Variants in LRRC8D observed in about 807,000 individuals in gnomAD.
The protein encoded by LRRC8D is volume-regulated anion channel subunit LRRC8D.
In LRRC8D, 20 loss-of-function variants were observed where a neutral mutation model predicts 55.8. The ratio of observed to expected loss-of-function variants is 0.36; its 90% CI spans 0.25 to 0.52. The LOEUF (loss-of-function observed/expected upper bound fraction) is 0.52. LRRC8D is among the 20% of genes least tolerant of loss of function. The pLI is 0.93. For synonymous variants in LRRC8D, 352 were observed against 377.0 expected, an observed-to-expected ratio of 0.93 and a Z score of 0.77; for missense variants, 651 against 1,030.8, an observed-to-expected ratio of 0.63 and a Z score of 5.05.
intron 1 of LRRC8D, among the ~76,000 whole-genome samples, chr1:89,835,096 A>T (rs1660974752): frequency 1.3e-5 from 2 of 152,156 alleles, no homozygotes; most frequent in Non-Finnish European, 2.9e-5. Flanking sequence ...TCTAAGGATC[A>T]CTTGGGAGTT....
At chr1:89,827,934 T>G (rs1660801377) in intron 1 of LRRC8D, among the ~76,000 whole-genome samples, 1 of 152,198 alleles carries the variant, frequency 6.6e-6, no homozygotes, top group Admixed American at 6.5e-5. Flanking sequence ...TCAGAATCAG[T>G]CTGGGGAATA....
At chr1:89,881,775 AT>A (rs1278324146) in intron 2 of LRRC8D, among the ~76,000 whole-genome samples, 1 of 152,168 alleles carries the variant, frequency 6.6e-6, no homozygotes, top group East Asian at 1.9e-4. Context: ...ACTGAACTTC[AT>A]TTTTAGCTTC....
chr1:89,936,285 ATAAG>A lies in LRRC8D; in HGVS notation c.*644_*647del, dbSNP rs1394008332. The A allele has an allele frequency of 6.0e-6, 1 of 167,102 alleles. No individual in the cohort carries two copies. The highest frequency in any genetic ancestry group is 1.5e-5 in the Non-Finnish European group (1 of 68,132). The allele number at this position is 167,102 out of a possible 1,614,324, so 10.4% of individuals were successfully genotyped here. ...TTTTAGGGGTTTTGTTTTTTTAAGAATAAGTAACAAGAAATAACACATTTCTTAA... is the reference window on the plus strand; with the variant it reads ...TTTTAGGGGTTTTGTTTTTTTAAGAATAACAAGAAATAACACATTTCTTAA... On this transcript the variant is annotated 3_prime_UTR_variant, in exon 3 of 3. Coordinates refer to ENST00000337338, the MANE Select transcript of LRRC8D (RefSeq NM_001134479.2).
chr1:89,924,743 G>T lies in LRRC8D; in HGVS notation c.-2-8324G>T, dbSNP rs142246967. On this transcript the variant is annotated intron_variant, in intron 2 of 2. Coordinates refer to ENST00000337338, the MANE Select transcript of LRRC8D (RefSeq NM_001134479.2). ...TGGAATACTATGCAACCATAGAAAAGAATATATCATGTTTTTTGCAGCAAC... is the reference window on the plus strand; with the variant it reads ...TGGAATACTATGCAACCATAGAAAATAATATATCATGTTTTTTGCAGCAAC... Among the ~76,000 whole-genome samples the T allele has an allele frequency of 2.0e-5, 3 of 152,108 alleles. No homozygotes were observed. The East Asian group carries it at 5.8e-4, about 29-fold the overall frequency.
At chr1:89,877,391 A>C (rs376113264) in intron 2 of LRRC8D, among the ~76,000 whole-genome samples, 1 of 152,226 alleles carries the variant, frequency 6.6e-6, no homozygotes, top group African/African-American at 2.4e-5. Context: ...TAAAATTTTT[A>C]TGAGCTTTAA....
chr1:89,896,336 G>A (rs1018458177), intron 2 of LRRC8D, among the ~76,000 whole-genome samples: 4 of 152,110 alleles, frequency 2.6e-5, no homozygotes, highest in East Asian at 1.9e-4. Flanking sequence ...AGATCGTGTC[G>A]TCTGACATCA....
intron 2 of LRRC8D, among the ~76,000 whole-genome samples, chr1:89,853,785 C>T (rs1557451408): frequency 6.6e-6 from 1 of 152,040 alleles, no homozygotes; most frequent in Non-Finnish European, 1.5e-5. Flanking sequence ...CCTCTAAAGC[C>T]TAACACTGGA....
chr1:89,916,683 TG>T (rs773259249), intron 2 of LRRC8D, among the ~76,000 whole-genome samples: 3 of 152,222 alleles, frequency 2.0e-5, no homozygotes, highest in Non-Finnish European at 2.9e-5. Context: ...CTTGCTTTTC[TG>T]TTCTCTCTTT....
chr1:89,865,155 A>T (rs538131236), intron 2 of LRRC8D, among the ~76,000 whole-genome samples: 4 of 152,254 alleles, frequency 2.6e-5, no homozygotes, highest in African/African-American at 9.6e-5. Context: ...CCCAGCACAC[A>T]GTAGGATCTC....
At chr1:89,870,187 G>A (rs577982187) in intron 2 of LRRC8D, among the ~76,000 whole-genome samples, 3 of 150,552 alleles carry the variant, frequency 2.0e-5, no homozygotes, top group East Asian at 4.0e-4. Context: ...CTAAAAAACT[G>A]ATAGAGATGC....
intron 1 of LRRC8D, among the ~76,000 whole-genome samples, chr1:89,842,208 G>C (rs1661152233): frequency 1.4e-5 from 1 of 69,630 alleles, no homozygotes; most frequent in South Asian, 7.4e-4. Flanking sequence ...GCGAGACTCT[G>C]TCTCAGAAAA....
chr1:89,931,515 C>T (rs1319663482), intron 2 of LRRC8D, among the ~76,000 whole-genome samples: 1 of 152,108 alleles, frequency 6.6e-6, no homozygotes, highest in African/African-American at 2.4e-5. Flanking sequence ...AATCCCAGCA[C>T]TTTGGGAGGC....
At chr1:89,888,747 A>G (rs986581791) in intron 2 of LRRC8D, among the ~76,000 whole-genome samples, 18 of 152,322 alleles carry the variant, frequency 1.2e-4, no homozygotes, top group South Asian at 8.3e-4. Context: ...CAAACCCACA[A>G]TGACGAAGGT....
intron 2 of LRRC8D, among the ~76,000 whole-genome samples, chr1:89,922,212 C>T (rs887629628): frequency 2.6e-5 from 4 of 151,918 alleles, no homozygotes; most frequent in South Asian, 2.1e-4. Flanking sequence ...TACAGGTGCT[C>T]GCCACCACAC....
chr1:89,859,791 G>A (rs1252545381), intron 2 of LRRC8D, among the ~76,000 whole-genome samples: 1 of 152,128 alleles, frequency 6.6e-6, no homozygotes, highest in Non-Finnish European at 1.5e-5. Context: ...AGTCCTGCAC[G>A]GAAGCCAGTA....
chr1:89,842,214 G>GAAAAAA (rs55785953), intron 1 of LRRC8D, among the ~76,000 whole-genome samples: 2 of 130,554 alleles, frequency 1.5e-5, no homozygotes, highest in African/African-American at 5.9e-5. Flanking sequence ...CTCTGTCTCA[G>GAAAAAA]AAAAAAAAAA....
At chr1:89,885,335 TATGGATGC>T (rs1357835338) in intron 2 of LRRC8D, among the ~76,000 whole-genome samples, 9 of 152,164 alleles carry the variant, frequency 5.9e-5, no homozygotes, top group East Asian at 5.8e-4. Flanking sequence ...GTTTATAAAG[TATGGATGC>T]ATGGATGCAT....
At chr1:89,845,497 C>T (rs1020271457) in intron 2 of LRRC8D, among the ~76,000 whole-genome samples, 5 of 152,004 alleles carry the variant, frequency 3.3e-5, no homozygotes, top group Non-Finnish European at 5.9e-5. Flanking sequence ...AGTGCAGTGA[C>T]GTGATCTCAG....
chr1:89,903,267 T>C (rs1046315427), intron 2 of LRRC8D, among the ~76,000 whole-genome samples: 1 of 152,218 alleles, frequency 6.6e-6, no homozygotes, highest in African/African-American at 2.4e-5. Context: ...CCATTTGAGT[T>C]GTTGGACTGA....
Sources: gnomAD v4.1 joint callset for allele counts (sites outside exome capture counted in the v4.1 genomes callset) on GRCh38, gnomAD v4.1.1 for gene constraint, MANE v1.5 for transcripts, NCBI Gene and HGNC (gene_info 2026-07-23, HGNC 2026-07-21) for gene names.